KCNJ9: variants seen among roughly 807,000 people sequenced by gnomAD.
KCNJ9 encodes G protein-activated inward rectifier potassium channel 3.
Under a neutral mutation model 27.9 loss-of-function variants are expected in KCNJ9, and 18 were observed. That is an observed-to-expected ratio of 0.65 (90% CI 0.45 to 0.96). KCNJ9 has a LOEUF of 0.96. Among genes scored for constraint, KCNJ9 ranks in the 40% least tolerant of loss-of-function variants. The pLI, the probability that KCNJ9 is intolerant of heterozygous loss-of-function variation, is 0.00. For missense variants in KCNJ9, 324 were observed against 557.5 expected, an observed-to-expected ratio of 0.58 and a Z score of 4.22; for synonymous variants, 229 against 248.2, an observed-to-expected ratio of 0.92 and a Z score of 0.73.
At chr1:160,082,065 TA>T (rs1413435045) in intron 1 of KCNJ9, among the ~76,000 whole-genome samples, 1 of 152,146 alleles carries the variant, frequency 6.6e-6, no homozygotes, top group Non-Finnish European at 1.5e-5. Context: ...ACATTCAAAA[TA>T]AGGTTTACCT....
At chr1:160,084,961 A>G (rs1649751188) in intron 2 of KCNJ9, 81 bp downstream of exon 2, 3 of 1,401,980 alleles carry the variant, frequency 2.1e-6, no homozygotes, top group East Asian at 2.5e-5. Flanking sequence ...ACTAGGGGCC[A>G]GGGGAGCTGG....
At chr1:160,082,282 CT>C (rs749137896) in intron 1 of KCNJ9, among the ~76,000 whole-genome samples, 10 of 152,302 alleles carry the variant, frequency 6.6e-5, no homozygotes, top group South Asian at 4.1e-4. Flanking sequence ...CCTGGGGTCT[CT>C]GAGCCAGTCA....
chr1:160,089,432 G>A lies in KCNJ9; in HGVS notation c.*1615G>A, dbSNP rs1649850500. 6.6e-6 allele frequency: 1 copy of A among 152,356 alleles called. No homozygotes were observed. Among genetic ancestry groups the A allele is most frequent in the South Asian group, 2.1e-4 (1 of 4,826 alleles). The allele number at this position is 152,356 out of a possible 1,614,324, so 9.4% of individuals were successfully genotyped here. On this transcript the variant is annotated 3_prime_UTR_variant, in exon 3 of 3. Transcript: ENST00000368088. ...CGACAGAGAGATGAAGCCATCAGAA[G>A]GACTTGAGGGGGCTCCTGGGGAGGT...
chr1:160,087,784 C>A lies in KCNJ9; in HGVS notation c.1149C>A (p.Cys383Ter). ...GGGCTGACAAGGAGCAGAATGGCTG[C>A]CTGCCACCCCCAGAGAGTGAGTCCA... ...EAGADKEQNGCLPPPESESKV is the reference protein window; with the variant it reads ...EAGADKEQNG The change falls in exon 3 of 3, where the codon TGC becomes TGA. Residue 383 changes from cysteine to a stop codon, truncating the protein, a stop_gained. Coordinates refer to ENST00000368088, the MANE Select transcript of KCNJ9 (RefSeq NM_004983.3). LOFTEE classifies it high-confidence loss of function. 1 of 1,507,190 alleles carries A rather than the reference C, an allele frequency of 6.6e-7. No individual in the cohort carries two copies. Among genetic ancestry groups the A allele is most frequent in the East Asian group, 2.3e-5 (1 of 42,872 alleles). The allele number at this position is 1,507,190 out of a possible 1,614,324, so 93.4% of individuals were successfully genotyped here.
chr1:160,087,787 G>A lies in KCNJ9; in HGVS notation c.1152G>A (p.Leu384=). The change falls in exon 3 of 3, where the codon CTG becomes CTA. Residue 384 remains leucine, a synonymous_variant. Coordinates refer to ENST00000368088, the MANE Select transcript of KCNJ9 (RefSeq NM_004983.3). ...AGADKEQNGC[L]PPPESESKV is the part of the protein sequence containing the mutation. ...CTGACAAGGAGCAGAATGGCTGCCT[G>A]CCACCCCCAGAGAGTGAGTCCAAGG... 1.3e-6 allele frequency: 2 copies of A among 1,510,420 alleles called. No individual in the cohort carries two copies. The highest frequency in any genetic ancestry group is 1.9e-5 in the Admixed American group (1 of 52,342). 93.6% of individuals were successfully genotyped at this position (1,510,420 alleles called of 1,614,324 possible).
Position 160,083,941 on chromosome 1 carries a change from C to T in KCNJ9, c.-90C>T. 1 of 1,159,914 alleles carries T rather than the reference C, an allele frequency of 8.6e-7. No individual in the cohort carries two copies. Among genetic ancestry groups the T allele is most frequent in the Non-Finnish European group, 1.1e-6 (1 of 935,832 alleles). 71.9% of individuals were successfully genotyped at this position (1,159,914 alleles called of 1,614,324 possible). A position where few individuals can be genotyped will look rare whatever the true frequency, so the allele number is the denominator to read the frequency against. ...GCCCCTCCAGGACCCCCGACGCCGC[C>T]TAGGCGCCCAGCGACGCGCGGCAGG... On this transcript the variant is annotated 5_prime_UTR_variant, in exon 2 of 3. Transcript: ENST00000368088.
Position 160,087,790 on chromosome 1 carries a change from A to G in KCNJ9, c.1155A>G (p.Pro385=), listed in dbSNP as rs376768021. 3.3e-6 allele frequency: 5 copies of G among 1,509,356 alleles called. No homozygotes were observed. Among genetic ancestry groups the G allele is most frequent in the Non-Finnish European group, 4.4e-6 (5 of 1,128,402 alleles). The allele number at this position is 1,509,356 out of a possible 1,614,324, so 93.5% of individuals were successfully genotyped here. ...GADKEQNGCL[P]PPESESKV ...ACAAGGAGCAGAATGGCTGCCTGCC[A>G]CCCCCAGAGAGTGAGTCCAAGGTGT... The change falls in exon 3 of 3, where the codon CCA becomes CCG. Residue 385 remains proline, a synonymous_variant. Transcript: ENST00000368088.
chr1:160,081,887 G>A (rs1453332560), intron 1 of KCNJ9, among the ~76,000 whole-genome samples, 190 bp downstream of exon 1: 1 of 152,192 alleles, frequency 6.6e-6, no homozygotes, highest in Non-Finnish European at 1.5e-5. Context: ...CTTCTGCAAA[G>A]GGGTCATAGC....
At position 160,087,866 on chromosome 1, in the gene KCNJ9, C is replaced by T; in HGVS notation, c.*49C>T. ...GCAGACCGGGGGCCAGACACAGATA[C>T]ATGGGGAACTGCATATCGGAGGTGG... On this transcript the variant is annotated 3_prime_UTR_variant, in exon 3 of 3. Transcript: ENST00000368088. 7.1e-7 allele frequency: 1 copy of T among 1,410,932 alleles called. No individual in the cohort carries two copies. The highest frequency in any genetic ancestry group is 2.6e-5 in the Admixed American group (1 of 38,842). 87.4% of individuals were successfully genotyped at this position (1,410,932 alleles called of 1,614,324 possible).
In KCNJ9 at chr1:160,083,939, G is replaced by A. The variant is rs1557980346; in HGVS notation, c.-92G>A. On this transcript the variant is annotated 5_prime_UTR_variant, in exon 2 of 3. Transcript: ENST00000368088. ...AAGCCCCTCCAGGACCCCCGACGCC[G>A]CCTAGGCGCCCAGCGACGCGCGGCA... is the stretch of plus-strand genomic sequence containing the variant. 2 of 1,150,342 alleles carry A rather than the reference G, an allele frequency of 1.7e-6. No homozygotes were observed. The highest frequency in any genetic ancestry group is 3.8e-5 in the East Asian group (1 of 26,304). 71.3% of individuals were successfully genotyped at this position (1,150,342 alleles called of 1,614,324 possible). A position where few individuals can be genotyped will look rare whatever the true frequency, so the allele number is the denominator to read the frequency against.
rs1294341710 is a variant in KCNJ9, at chr1:160,087,703, G to A, written c.1068G>A (p.Arg356=). The change falls in exon 3 of 3, where the codon CGG becomes CGA. Residue 356 remains arginine, a synonymous_variant. Coordinates refer to ENST00000368088, the MANE Select transcript of KCNJ9 (RefSeq NM_004983.3). ...DAHLYWSIPS[R]LDEKVEEEGA... ...ATCTCTACTGGTCCATCCCCAGCCG[G>A]CTGGATGAGAAGGTGGAGGAGGAGG... The A allele has an allele frequency of 2.7e-5, 37 of 1,383,764 alleles. No homozygotes were observed. The highest frequency in any genetic ancestry group is 2.3e-4 in the Middle Eastern group (1 of 4,348). 85.7% of individuals were successfully genotyped at this position (1,383,764 alleles called of 1,614,324 possible). A position where few individuals can be genotyped will look rare whatever the true frequency, so the allele number is the denominator to read the frequency against.
rs1044404888 is a variant in KCNJ9, at chr1:160,089,085, C to T, written c.*1268C>T. The T allele has an allele frequency of 2.6e-5, 4 of 152,216 alleles. No individual in the cohort carries two copies. The highest frequency in any genetic ancestry group is 9.7e-5 in the African/African-American group (4 of 41,446). The allele number at this position is 152,216 out of a possible 1,614,324, so 9.4% of individuals were successfully genotyped here. A position where few individuals can be genotyped will look rare whatever the true frequency, so the allele number is the denominator to read the frequency against. On this transcript the variant is annotated 3_prime_UTR_variant, in exon 3 of 3. Transcript: ENST00000368088. ...AGGTGGGGACCAAAACCATGCATTC[C>T]TAAGAAGTCCCCAGGTCATGCTGCT...
At position 160,084,445 on chromosome 1, in the gene KCNJ9, C is replaced by T. The variant is rs1486926785; in HGVS notation, c.415C>T (p.Leu139=). ...TDQCPEGIVL[L]LLQAILGSMV... Reference sequence around the variant, plus strand: ...CCAGTGCCCCGAGGGCATCGTGCTGCTGCTGCTGCAGGCCATCCTGGGCTC... The same window carrying T: ...CCAGTGCCCCGAGGGCATCGTGCTGTTGCTGCTGCAGGCCATCCTGGGCTC... Residue 139 remains leucine (L), a synonymous_variant, in exon 2 of 3, where the codon CTG becomes TTG. Transcript: ENST00000368088. 1.2e-6 allele frequency: 2 copies of T among 1,613,578 alleles called. No homozygotes were observed. The highest frequency in any genetic ancestry group is 1.7e-6 in the Non-Finnish European group (2 of 1,179,906).
In KCNJ9 at chr1:160,083,990, G is replaced by T. The variant is rs868077189; in HGVS notation, c.-41G>T. On this transcript the variant is annotated 5_prime_UTR_variant, in exon 2 of 3. Transcript: ENST00000368088. Reference sequence around the variant, plus strand: ...GGTGGCAGCAGCTCGGGCCCCCGCCGCACTCCAGGCGCCCGCAGCGCTCGC... The same window carrying T: ...GGTGGCAGCAGCTCGGGCCCCCGCCTCACTCCAGGCGCCCGCAGCGCTCGC... 5.7e-6 allele frequency: 7 copies of T among 1,232,276 alleles called. No individual in the cohort carries two copies. Among genetic ancestry groups the T allele is most frequent in the Middle Eastern group, 6.3e-4 (2 of 3,184 alleles). The allele number at this position is 1,232,276 out of a possible 1,614,324, so 76.3% of individuals were successfully genotyped here. A position where few individuals can be genotyped will look rare whatever the true frequency, so the allele number is the denominator to read the frequency against.
chr1:160,085,825 G>C (rs1362291421), intron 2 of KCNJ9, among the ~76,000 whole-genome samples: 1 of 152,252 alleles, frequency 6.6e-6, no homozygotes, highest in Non-Finnish European at 1.5e-5. Context: ...TCTGACGCCA[G>C]AGCTGCTGAT....
chr1:160,084,376 G>A lies in KCNJ9; in HGVS notation c.346G>A (p.Glu116Lys). Residue 116 changes from glutamate to lysine, a missense_variant, in exon 2 of 3, where the codon GAG (glutamate) becomes AAG (lysine). Transcript: ENST00000368088. ...CGTGGCCGCCTTCCTCTTCTCCATC[G>A]AGACCGAGACCACCATCGGCTACGG... is the stretch of plus-strand genomic sequence containing the variant. The part of the protein sequence containing the change: ...GFVAAFLFSI[E>K]TETTIGYGHR... 2 of 1,613,686 alleles carry A rather than the reference G, an allele frequency of 1.2e-6. No individual in the cohort carries two copies. Among genetic ancestry groups the A allele is most frequent in the Non-Finnish European group, 1.7e-6 (2 of 1,179,926 alleles).
In KCNJ9 at chr1:160,087,992, G is replaced by A; in HGVS notation, c.*175G>A. On this transcript the variant is annotated 3_prime_UTR_variant, in exon 3 of 3. Transcript: ENST00000368088. ...CTCAAGTCTAGAAACCAGTATGGAA[G>A]GGAGGGGTCCTGATTTCAGGGAAAT... 1 of 535,786 alleles carries A rather than the reference G, an allele frequency of 1.9e-6. No homozygotes were observed. The highest frequency in any genetic ancestry group is 3.0e-6 in the Non-Finnish European group (1 of 338,466). 33.2% of individuals were successfully genotyped at this position (535,786 alleles called of 1,614,324 possible). A position where few individuals can be genotyped will look rare whatever the true frequency, so the allele number is the denominator to read the frequency against.
intron 2 of KCNJ9, among the ~76,000 whole-genome samples, chr1:160,085,833 G>A (rs986129786): frequency 2.0e-5 from 3 of 152,220 alleles, no homozygotes; most frequent in South Asian, 2.1e-4. Context: ...CAGAGCTGCT[G>A]ATGCTCCCTG....
intron 2 of KCNJ9, among the ~76,000 whole-genome samples, chr1:160,085,764 A>C (rs937113156): frequency 1.3e-5 from 2 of 152,356 alleles, no homozygotes; most frequent in Non-Finnish European, 1.5e-5. Flanking sequence ...GAGGATGAGG[A>C]AACTGCGGGT....
Sources: allele counts gnomAD v4.1 joint callset (sites outside exome capture counted in the v4.1 genomes callset), GRCh38; gene constraint gnomAD v4.1.1; transcripts MANE v1.5; gene names NCBI Gene and HGNC (gene_info 2026-07-23, HGNC 2026-07-21).